Variants in SRBD1 observed in about 807,000 individuals in gnomAD.
SRBD1 encodes the protein S1 RNA binding domain 1.
Under a neutral mutation model 115.3 loss-of-function variants are expected in SRBD1, and 88 were observed. The observed-to-expected ratio is 0.76, with a 90% CI of 0.64 to 0.91. The LOEUF is 0.91. Ranked by LOEUF, SRBD1 falls within the 40% of genes least tolerant of loss-of-function variation. The pLI is 0.00. For synonymous variants in SRBD1, 509 were observed against 407.7 expected (o/e 1.25, Z -2.99); for missense variants, 1,385 against 1,177.4 (o/e 1.18, Z -2.58).
intron 16 of SRBD1, among the ~76,000 whole-genome samples, chr2:45,423,601 T>A (rs144884276): frequency 6.6e-6 from 1 of 152,110 alleles, no homozygotes; most frequent in African/African-American, 2.4e-5. Flanking sequence ...TACAGTTTCA[T>A]TGGTGAATTC....
At chr2:45,424,271 A>G (rs530009312) in intron 16 of SRBD1, among the ~76,000 whole-genome samples, 3 of 152,162 alleles carry the variant, frequency 2.0e-5, no homozygotes, top group Non-Finnish European at 4.4e-5. Flanking sequence ...TGATCCTCAA[A>G]TCCTGGTATT....
chr2:45,404,686 A>G (rs1232227222), intron 19 of SRBD1, among the ~76,000 whole-genome samples: 2 of 152,060 alleles, frequency 1.3e-5, no homozygotes, highest in Non-Finnish European at 2.9e-5. Context: ...CCCTGCTTCT[A>G]CCACTGCCCC....
chr2:45,491,894 T>C (rs1670304346), intron 14 of SRBD1, among the ~76,000 whole-genome samples: 1 of 152,178 alleles, frequency 6.6e-6, no homozygotes. Context: ...CAATCTCGGC[T>C]CACTATTACC....
At chr2:45,391,452 A>G (rs550720370) in intron 20 of SRBD1, among the ~76,000 whole-genome samples, 7 of 152,256 alleles carry the variant, frequency 4.6e-5, no homozygotes, top group Non-Finnish European at 1.0e-4. Flanking sequence ...GAGATGTAAC[A>G]TAAAATATCA....
At chr2:45,461,738 C>T (rs954794033) in intron 16 of SRBD1, among the ~76,000 whole-genome samples, 2 of 152,064 alleles carry the variant, frequency 1.3e-5, no homozygotes, top group African/African-American at 4.8e-5. Flanking sequence ...CTTAAAAATG[C>T]ATCCTACAAA....
At chr2:45,539,624 T>C (rs1671871048) in intron 14 of SRBD1, among the ~76,000 whole-genome samples, 1 of 152,198 alleles carries the variant, frequency 6.6e-6, no homozygotes, top group African/African-American at 2.4e-5. Flanking sequence ...CTGTCTGGTC[T>C]GCAGCCTAAA....
intron 14 of SRBD1, among the ~76,000 whole-genome samples, chr2:45,540,691 A>AT (rs925548995): frequency 1.3e-5 from 2 of 152,146 alleles, no homozygotes; most frequent in Admixed American, 6.6e-5. Flanking sequence ...AAAACAATCC[A>AT]TTTTTTTAAA....
At chr2:45,538,947 G>C (rs1671847512) in intron 14 of SRBD1, among the ~76,000 whole-genome samples, 1 of 151,978 alleles carries the variant, frequency 6.6e-6, no homozygotes, top group African/African-American at 2.4e-5. Flanking sequence ...AGAGAATGAA[G>C]GCTATATCAT....
chr2:45,532,089 C>T (rs895944263), intron 14 of SRBD1, among the ~76,000 whole-genome samples: 7 of 151,850 alleles, frequency 4.6e-5, no homozygotes, highest in Admixed American at 4.6e-4. Flanking sequence ...AGGGGCACAG[C>T]TGAAAAAGAA....
rs764151574 is a variant in SRBD1 at position 45,488,269 on chromosome 2, G to A, written c.1937C>T (p.Pro646Leu). Residue 646 changes from proline to leucine, a missense_variant, in exon 15 of 21, where the codon CCA becomes CTA. Pro to Leu is a moderately conservative substitution (Grantham distance 98). Transcript: ENST00000263736. ...ACTTCTCAAATTAGGGTCCAGCCCT[G>A]GCATCTCTTTGTTAGCTTCAGGGCT... ...SVSPEANKEM[P>L]GLDPNLRSAV... 2 of 1,613,854 alleles carry A rather than the reference G, an allele frequency of 1.2e-6. No homozygotes were observed. Among genetic ancestry groups the A allele is most frequent in the East Asian group, 2.2e-5 (1 of 44,856 alleles).
chr2:45,588,094 C>T (rs1036168664), intron 4 of SRBD1, among the ~76,000 whole-genome samples: 1 of 152,196 alleles, frequency 6.6e-6, no homozygotes, highest in African/African-American at 2.4e-5. Flanking sequence ...CTAGCCTGAA[C>T]TAATGAAATA....
Position 45,389,124 on chromosome 2 carries a change from A to T in SRBD1, c.*186T>A. The T allele has an allele frequency of 2.9e-6, 2 of 694,706 alleles. No individual in the cohort carries two copies. Among genetic ancestry groups the T allele is most frequent in the Non-Finnish European group, 4.6e-6 (2 of 430,448 alleles). The allele number at this position is 694,706 out of a possible 1,614,324, so 43.0% of individuals were successfully genotyped here. ...GTATTAGTTGTTTCCTTTAAGGGAA[A>T]AGGAAATCAAACTGTTGGTTTTCTA... On this transcript the variant is annotated 3_prime_UTR_variant, in exon 21 of 21. Transcript: ENST00000263736.
chr2:45,530,754 C>T (rs112209816), intron 14 of SRBD1, among the ~76,000 whole-genome samples: 1 of 151,990 alleles, frequency 6.6e-6, no homozygotes, highest in Non-Finnish European at 1.5e-5. Context: ...GGTCACTCTT[C>T]CAAATACAGG....
intron 19 of SRBD1, among the ~76,000 whole-genome samples, chr2:45,394,427 A>G (rs996436548): frequency 1.3e-5 from 2 of 152,214 alleles, no homozygotes; most frequent in Admixed American, 1.3e-4. Context: ...ATGTCAACAC[A>G]GTAATCAGGC....
intron 14 of SRBD1, among the ~76,000 whole-genome samples, chr2:45,518,048 AAG>A (rs1671173232): frequency 6.6e-6 from 1 of 152,114 alleles, no homozygotes; most frequent in Non-Finnish European, 1.5e-5. Flanking sequence ...TTTGATGAGA[AAG>A]TGTAATATCA....
intron 19 of SRBD1, among the ~76,000 whole-genome samples, chr2:45,405,128 T>A (rs1397415450): frequency 2.0e-5 from 3 of 152,194 alleles, no homozygotes; most frequent in Non-Finnish European, 4.4e-5. Flanking sequence ...TCACACTGTA[T>A]AATTTATTTA....
intron 14 of SRBD1, among the ~76,000 whole-genome samples, chr2:45,525,869 G>A (rs1354420382): frequency 6.6e-6 from 1 of 151,988 alleles, no homozygotes; most frequent in East Asian, 1.9e-4. Flanking sequence ...ATATGAAGAA[G>A]TGCTCAATAT....
At chr2:45,595,383 T>G (rs771650806) in intron 4 of SRBD1, among the ~76,000 whole-genome samples, 40 of 152,216 alleles carry the variant, frequency 2.6e-4, no homozygotes, top group Non-Finnish European at 4.7e-4. Context: ...ACTTAATAAT[T>G]TCCATACAAT....
At chr2:45,539,251 A>T (rs1671858518) in intron 14 of SRBD1, among the ~76,000 whole-genome samples, 1 of 152,078 alleles carries the variant, frequency 6.6e-6, no homozygotes, top group Non-Finnish European at 1.5e-5. Context: ...AAAAAAAAAA[A>T]TGAAGTATAT....
Sources: gnomAD v4.1 joint callset for allele counts (sites outside exome capture counted in the v4.1 genomes callset) on GRCh38, gnomAD v4.1.1 for gene constraint, MANE v1.5 for transcripts, NCBI Gene and HGNC (gene_info 2026-07-23, HGNC 2026-07-21) for gene names.